TIAM1: variants seen among roughly 807,000 people sequenced by gnomAD.
TIAM1 encodes the protein rho guanine nucleotide exchange factor TIAM1.
A neutral mutation model predicts 163.5 loss-of-function variants in TIAM1; 65 were observed. The ratio of observed to expected loss-of-function variants is 0.40; its 90% confidence interval spans 0.33 to 0.49. TIAM1 has a LOEUF of 0.49. Among genes scored for constraint, TIAM1 ranks in the 20% least tolerant of loss-of-function variants. The pLI is 0.77. For synonymous variants in TIAM1, 833 were observed against 810.1 expected, an observed-to-expected ratio of 1.03 and a Z score of -0.48; for missense variants, 1,789 against 2,044.7, an observed-to-expected ratio of 0.87 and a Z score of 2.41.
chr21:31,412,002 G>C (rs372684058), intron 2 of TIAM1, among the ~76,000 whole-genome samples: 10 of 152,134 alleles, frequency 6.6e-5, no homozygotes, highest in African/African-American at 2.4e-4. Context: ...ATTGCAGCAG[G>C]ATTCACAGTA....
intron 1 of TIAM1, among the ~76,000 whole-genome samples, chr21:31,544,874 G>A (rs1569424732): frequency 6.6e-6 from 1 of 151,958 alleles, no homozygotes; most frequent in African/African-American, 2.4e-5. Context: ...TTAGCCAGGC[G>A]TGGCAGCATG....
At position 31,252,033 on chromosome 21, in the gene TIAM1, A is replaced by C; in HGVS notation, c.1120T>G (p.Ser374Ala). The C allele has an allele frequency of 6.2e-7, 1 of 1,613,970 alleles. No individual in the cohort carries two copies. Among genetic ancestry groups the C allele is most frequent in the South Asian group, 1.1e-5 (1 of 91,056 alleles). The change falls in exon 5 of 28, where the codon TCC (serine) becomes GCC (alanine). Residue 374 changes from serine to alanine, a missense_variant. This residue lies in a region of TIAM1 where 555 missense variants were observed against 564.9 expected (regional missense o/e 0.98). Coordinates refer to ENST00000541036, the MANE Select transcript of TIAM1 (RefSeq NM_001353694.2). ...AFVGSDSGSS[S>A]TGDAARQGVY... ...CCCTGACGAGCCGCATCCCCGGTGG[A>C]GCTGCTGCCGCTGTCGCTGCCCACA...
At position 31,395,908 on chromosome 21, in the gene TIAM1, G is replaced by A. The variant is rs568510323; in HGVS notation, c.-368-56486C>T. The stretch of plus-strand genomic sequence containing the variant: ...AAAACAAGGAGCGAAAACAAAATAA[G>A]GCTGTCTAGCAAATGAGGGCATCAT... On this transcript the variant is annotated intron_variant, in intron 2 of 28. Coordinates refer to the TIAM1 transcript ENST00000286827. This position sits in a 1 kb window ranked among gnomAD's most constrained non-coding sequence, Gnocchi z 7.5. Among the ~76,000 whole-genome samples the A allele has an allele frequency of 9.9e-5, 15 of 152,242 alleles. No individual in the cohort carries two copies. Among genetic ancestry groups the A allele is most frequent in the Non-Finnish European group, 2.1e-4 (14 of 67,994 alleles).
At chr21:31,426,651 G>A (rs541537510) in intron 2 of TIAM1, among the ~76,000 whole-genome samples, 1 of 152,296 alleles carries the variant, frequency 6.6e-6, no homozygotes, top group Admixed American at 6.5e-5. Flanking sequence ...ACAACTGAAA[G>A]AGAGCCCAAA....
chr21:31,340,108 T>C (rs1322596158), intron 1 of TIAM1, among the ~76,000 whole-genome samples: 3 of 151,886 alleles, frequency 2.0e-5, no homozygotes, highest in African/African-American at 4.8e-5. Flanking sequence ...AACTTTAGCA[T>C]AGCACCATAA....
intron 2 of TIAM1, among the ~76,000 whole-genome samples, chr21:31,366,262 C>G (rs1464739057): frequency 6.6e-6 from 1 of 152,088 alleles, no homozygotes; most frequent in African/African-American, 2.4e-5. Flanking sequence ...CACCCTTTGC[C>G]AAAAGCAACT....
At chr21:31,394,607 A>C (rs1334885553) in intron 2 of TIAM1, among the ~76,000 whole-genome samples, 1 of 151,136 alleles carries the variant, frequency 6.6e-6, no homozygotes, top group Non-Finnish European at 1.5e-5. Context: ...GTGAGAGAGG[A>C]AGGGGCGTAC....
Position 31,478,249 on chromosome 21 carries a change from C to T in TIAM1, c.-421-14214G>A, listed in dbSNP as rs376576569. ...TTTTATTGGGCAAATGGCAAATTGC[C>T]TTAAAAGGACAATAGAAAGTTTGTC... is the stretch of plus-strand genomic sequence containing the variant. On this transcript the variant is annotated intron_variant, in intron 1 of 28. Transcript: ENST00000286827. 1.2e-4 allele frequency among the ~76,000 whole-genome samples: 19 copies of T among 152,274 alleles called. No homozygotes were observed. In the East Asian group the frequency reaches 2.7e-3, roughly 22 times the overall value.
At chr21:31,485,142 G>A (rs1255527615) in intron 1 of TIAM1, among the ~76,000 whole-genome samples, 1 of 152,126 alleles carries the variant, frequency 6.6e-6, no homozygotes, top group Non-Finnish European at 1.5e-5. Flanking sequence ...CACAGACTAA[G>A]ACAAGCACCA....
intron 1 of TIAM1, among the ~76,000 whole-genome samples, chr21:31,477,748 C>A (rs2045981358): frequency 6.6e-6 from 1 of 152,070 alleles, no homozygotes; most frequent in Non-Finnish European, 1.5e-5. Flanking sequence ...AGAGGACATC[C>A]TGAAGATGAG....
intron 14 of TIAM1, among the ~76,000 whole-genome samples, chr21:31,183,901 G>A (rs1186365227): frequency 6.6e-6 from 1 of 151,334 alleles, no homozygotes; most frequent in Non-Finnish European, 1.5e-5. Context: ...CACCATGTTG[G>A]CCAGGCTGGT....
intron 1 of TIAM1, among the ~76,000 whole-genome samples, chr21:31,518,915 A>G (rs1382269836): frequency 1.3e-5 from 2 of 152,214 alleles, no homozygotes; most frequent in Non-Finnish European, 2.9e-5. Flanking sequence ...GATTTCAAAT[A>G]AAAGACAAAT....
chr21:31,284,804 C>G (rs1472156000), intron 2 of TIAM1, among the ~76,000 whole-genome samples: 2 of 151,848 alleles, frequency 1.3e-5, no homozygotes, highest in African/African-American at 4.8e-5. Context: ...GAATTTGGTT[C>G]TAATTCTCTG....
At chr21:31,232,924 G>A (rs1354220758) in intron 6 of TIAM1, among the ~76,000 whole-genome samples, 4 of 151,840 alleles carry the variant, frequency 2.6e-5, no homozygotes, top group Middle Eastern at 3.4e-3. Flanking sequence ...TATACAGTTC[G>A]GTGAAGGGAA....
At chr21:31,260,010 T>C (rs1417211951) in intron 4 of TIAM1, among the ~76,000 whole-genome samples, 2 of 150,364 alleles carry the variant, frequency 1.3e-5, no homozygotes, top group African/African-American at 4.9e-5. Flanking sequence ...GTGATCTAGC[T>C]CATGAAAGCC....
intron 2 of TIAM1, among the ~76,000 whole-genome samples, chr21:31,362,079 G>C (rs999507313): frequency 2.6e-5 from 4 of 152,066 alleles, no homozygotes; most frequent in African/African-American, 9.7e-5. Flanking sequence ...GAGATTGCTT[G>C]AGCCCAGGAA....
At chr21:31,291,261 G>A (rs2074008456) in intron 2 of TIAM1, among the ~76,000 whole-genome samples, 1 of 152,072 alleles carries the variant, frequency 6.6e-6, no homozygotes, top group South Asian at 2.1e-4. Context: ...AACAACAACA[G>A]GCAATGAAAA....
At chr21:31,230,295 C>A (rs1172673011) in intron 6 of TIAM1, among the ~76,000 whole-genome samples, 1 of 151,856 alleles carries the variant, frequency 6.6e-6, no homozygotes, top group East Asian at 1.9e-4. Context: ...AAATATTTAT[C>A]CAGAAGGGAC....
chr21:31,192,043 C>T (rs778473780), intron 13 of TIAM1, among the ~76,000 whole-genome samples: 7 of 152,172 alleles, frequency 4.6e-5, no homozygotes, highest in African/African-American at 7.2e-5. Context: ...TTACTGAGGT[C>T]GGCTTTTTGC....
Sources: gnomAD v4.1 joint callset for allele counts (sites outside exome capture counted in the v4.1 genomes callset) on GRCh38, gnomAD v4.1.1 for gene constraint, gnomAD v4.1.1 regional missense constraint, Gnocchi (gnomAD v3.1) non-coding constraint, MANE v1.5 for transcripts, NCBI Gene and HGNC (gene_info 2026-07-23, HGNC 2026-07-21) for gene names.